ROR1: variants seen among roughly 807,000 people sequenced by gnomAD.
ROR1 encodes inactive tyrosine-protein kinase transmembrane receptor ROR1.
In ROR1, 19 loss-of-function variants were observed where a neutral mutation model predicts 78.8. That is an observed-to-expected ratio of 0.24 (90% confidence interval 0.17 to 0.35). The LOEUF is 0.35. Ranked by LOEUF, ROR1 falls within the 10% of genes least tolerant of loss-of-function variation. ROR1 has a pLI of 1.00. For missense variants in ROR1, 917 were observed against 1,177.8 expected, an observed-to-expected ratio of 0.78 and a Z score of 3.24; for synonymous variants, 386 against 433.6, an observed-to-expected ratio of 0.89 and a Z score of 1.36.
chr1:63,957,602 C>T (rs1425839294), intron 1 of ROR1, among the ~76,000 whole-genome samples: 2 of 152,138 alleles, frequency 1.3e-5, no homozygotes, highest in Non-Finnish European at 2.9e-5. Context: ...GGTTGCATAT[C>T]TTCAAAACAT....
intron 7 of ROR1, among the ~76,000 whole-genome samples, chr1:64,143,849 C>T (rs141401472): frequency 1.7e-4 from 26 of 152,242 alleles, no homozygotes; most frequent in Admixed American, 4.6e-4. Context: ...TAAGCTTTGA[C>T]GCTGAATGAG....
intron 1 of ROR1, among the ~76,000 whole-genome samples, chr1:63,945,852 G>A (rs962779373): frequency 6.6e-6 from 1 of 152,174 alleles, no homozygotes; most frequent in South Asian, 2.1e-4. Flanking sequence ...ACAAGAAGGT[G>A]CAGTTCATAG....
chr1:63,991,053 G>C (rs1448922166), intron 1 of ROR1, among the ~76,000 whole-genome samples: 1 of 152,092 alleles, frequency 6.6e-6, no homozygotes, highest in African/African-American at 2.4e-5. Flanking sequence ...TGAATAGCTT[G>C]GACCACAGGT....
chr1:63,775,323 G>A (rs141565520), intron 1 of ROR1: 1 of 152,252 alleles, frequency 6.6e-6, no homozygotes, highest in African/African-American at 2.4e-5. Flanking sequence ...TTCGCTGCGG[G>A]AAGCTGGGGT....
intron 4 of ROR1, among the ~76,000 whole-genome samples, chr1:64,052,660 G>C (rs534449851): frequency 6.6e-6 from 1 of 152,062 alleles, no homozygotes; most frequent in African/African-American, 2.4e-5. Flanking sequence ...TTGATATCAC[G>C]CATCTCTGTT....
chr1:63,953,127 G>A (rs146587863), intron 1 of ROR1, among the ~76,000 whole-genome samples: 6 of 152,278 alleles, frequency 3.9e-5, no homozygotes, highest in Non-Finnish European at 7.4e-5. Context: ...CATCCACTTA[G>A]CAATTGTTTA....
intron 6 of ROR1, among the ~76,000 whole-genome samples, chr1:64,141,983 G>A (rs1411543627): frequency 6.6e-6 from 1 of 152,060 alleles, no homozygotes; most frequent in Non-Finnish European, 1.5e-5. Flanking sequence ...CATGTTCTGT[G>A]AATTACAATA....
At chr1:64,022,746 C>A (rs961361090) in intron 2 of ROR1, among the ~76,000 whole-genome samples, 1 of 152,208 alleles carries the variant, frequency 6.6e-6, no homozygotes, top group Non-Finnish European at 1.5e-5. Context: ...ATATATGTCT[C>A]TTTATTTTTA....
chr1:63,775,795 G>A (rs1322003194), intron 1 of ROR1, among the ~76,000 whole-genome samples: 1 of 152,146 alleles, frequency 6.6e-6, no homozygotes, highest in African/African-American at 2.4e-5. Flanking sequence ...ATTTTCTGAG[G>A]ATGATTTCTG....
chr1:63,823,655 G>A (rs938678557), intron 1 of ROR1, among the ~76,000 whole-genome samples: 8 of 151,832 alleles, frequency 5.3e-5, no homozygotes, highest in Non-Finnish European at 1.0e-4. Flanking sequence ...GTCTTGCTAT[G>A]TTGCACAGGC....
At position 64,090,287 on chromosome 1, in the gene ROR1, C is replaced by A. The variant is rs534807574; in HGVS notation, c.482+39571C>A. Among the ~76,000 whole-genome samples the A allele has an allele frequency of 3.3e-5, 5 of 152,096 alleles. No individual in the cohort carries two copies. The South Asian group carries it at 6.2e-4, about 19-fold the overall frequency. ...CACTGACAGTGAGTCATGTGACAGG[C>A]CTTGGGAAAAAAACATAATTGTGTT... On this transcript the variant is annotated intron_variant, in intron 4 of 8. Transcript: ENST00000371079.
intron 1 of ROR1, among the ~76,000 whole-genome samples, chr1:63,796,881 A>C (rs769778396): frequency 4.6e-5 from 7 of 152,162 alleles, no homozygotes; most frequent in Non-Finnish European, 7.3e-5. Flanking sequence ...GCTCCTCAGT[A>C]TCATTGCAAG....
intron 1 of ROR1, among the ~76,000 whole-genome samples, chr1:63,960,535 G>T (rs1569978343): frequency 6.6e-6 from 1 of 152,146 alleles, no homozygotes; most frequent in Admixed American, 6.5e-5. Context: ...TTGAATCCTG[G>T]AGCTCTGTTT....
intron 2 of ROR1, among the ~76,000 whole-genome samples, chr1:64,035,530 C>A (rs1646695268): frequency 6.8e-6 from 1 of 148,090 alleles, no homozygotes; most frequent in African/African-American, 2.4e-5. Flanking sequence ...TTGATTGGAC[C>A]AGGGAGAGGA....
At chr1:64,086,230 A>G (rs1006978830) in intron 4 of ROR1, among the ~76,000 whole-genome samples, 3 of 152,240 alleles carry the variant, frequency 2.0e-5, no homozygotes, top group Non-Finnish European at 4.4e-5. Flanking sequence ...TGATACAACC[A>G]TTTTACAGAC....
chr1:63,845,508 T>C (rs190351837), intron 1 of ROR1, among the ~76,000 whole-genome samples: 1 of 152,330 alleles, frequency 6.6e-6, no homozygotes, highest in East Asian at 1.9e-4. Flanking sequence ...TTTCAATGAA[T>C]GAGGTCATCT....
chr1:63,829,755 G>A (rs757203933), intron 1 of ROR1, among the ~76,000 whole-genome samples: 4 of 152,152 alleles, frequency 2.6e-5, no homozygotes, highest in Non-Finnish European at 4.4e-5. Flanking sequence ...ATGCTGGGGA[G>A]CTTGGACTTG....
intron 1 of ROR1, among the ~76,000 whole-genome samples, chr1:63,977,346 A>T (rs1348046409): frequency 1.3e-5 from 2 of 152,156 alleles, no homozygotes; most frequent in Non-Finnish European, 2.9e-5. Flanking sequence ...TTTGACTGTG[A>T]CCTATCACAT....
intron 4 of ROR1, among the ~76,000 whole-genome samples, chr1:64,133,378 T>C (rs1648989260): frequency 6.6e-6 from 1 of 152,224 alleles, no homozygotes; most frequent in African/African-American, 2.4e-5. Flanking sequence ...TTCCTTTCCT[T>C]GCTCTGCAGT....
Sources: allele counts gnomAD v4.1 joint callset (sites outside exome capture counted in the v4.1 genomes callset), GRCh38; gene constraint gnomAD v4.1.1; transcripts MANE v1.5; gene names NCBI Gene and HGNC (gene_info 2026-07-23, HGNC 2026-07-21).